The following EHMT1 variants were observed in gnomAD, a reference collection of about 807,000 sequenced individuals.
The protein encoded by EHMT1 is histone-lysine N-methyltransferase EHMT1.
Under a neutral mutation model 147.2 loss-of-function variants are expected in EHMT1, and 15 were observed. The observed-to-expected ratio is 0.10, with a 90% CI of 0.07 to 0.16. The LOEUF (loss-of-function observed/expected upper bound fraction) is 0.16. EHMT1 is among the 10% of genes least tolerant of loss of function. The pLI is 1.00. For missense variants in EHMT1, 1,587 were observed against 1,772.4 expected, an observed-to-expected ratio of 0.90 and a Z score of 1.88; for synonymous variants, 795 against 709.6, an observed-to-expected ratio of 1.12 and a Z score of -1.91.
chr9:137,654,449 T>C (rs1938219566), intron 1 of EHMT1, among the ~76,000 whole-genome samples: 1 of 150,868 alleles, frequency 6.6e-6, no homozygotes, highest in Admixed American at 6.7e-5. Context: ...TTCTGAACTT[T>C]CAGTTCTCTT....
rs1283850841 is a variant in EHMT1 at position 137,653,589 on chromosome 9, T to C, written c.21+34540T>C. Among the ~76,000 whole-genome samples, 10 of 152,056 alleles carry C rather than the reference T, an allele frequency of 6.6e-5. No homozygotes were observed. The East Asian group carries it at 1.9e-3, about 29-fold the overall frequency. On this transcript the variant is annotated intron_variant, in intron 1 of 26. Transcript: ENST00000460843. Reference sequence around the variant, plus strand: ...TGTCGCCCAGGCTGGAGTGCAGTGGTGTGATCTCAGCTCACTGCAACCTCT... The same window carrying C: ...TGTCGCCCAGGCTGGAGTGCAGTGGCGTGATCTCAGCTCACTGCAACCTCT...
intron 1 of EHMT1, among the ~76,000 whole-genome samples, chr9:137,668,367 A>C (rs1939935167): frequency 7.3e-6 from 1 of 136,614 alleles, no homozygotes; most frequent in African/African-American, 2.8e-5. Flanking sequence ...ACACCCACCC[A>C]CTCATCCATC....
At chr9:137,689,438 C>G (rs1942746369) in intron 1 of EHMT1, among the ~76,000 whole-genome samples, 1 of 152,060 alleles carries the variant, frequency 6.6e-6, no homozygotes, top group Admixed American at 6.5e-5. Flanking sequence ...GGTGCGGTGG[C>G]TCATGCTGTT....
chr9:137,701,132 C>T (rs1193180614), intron 1 of EHMT1, among the ~76,000 whole-genome samples: 1 of 151,990 alleles, frequency 6.6e-6, no homozygotes, highest in Non-Finnish European at 1.5e-5. Context: ...GAACGTCCGC[C>T]CCCATGATCC....
intron 1 of EHMT1, among the ~76,000 whole-genome samples, chr9:137,692,709 C>T (rs745835087): frequency 7.2e-5 from 11 of 152,108 alleles, no homozygotes; most frequent in Admixed American, 1.3e-4. Flanking sequence ...GTCAGAAGCA[C>T]GTTGCATGGT....
intron 4 of EHMT1, among the ~76,000 whole-genome samples, chr9:137,741,650 C>G (rs924286866): frequency 1.3e-5 from 2 of 152,186 alleles, no homozygotes. Flanking sequence ...AGATTGGCTC[C>G]AGGACCCCAT....
intron 18 of EHMT1, among the ~76,000 whole-genome samples, chr9:137,809,659 C>T (rs13440053): frequency 6.6e-6 from 1 of 152,176 alleles, no homozygotes; most frequent in Non-Finnish European, 1.5e-5. Context: ...GAACGTGAAA[C>T]GCTCACGTGC....
chr9:137,641,330 C>A, intron 1 of EHMT1: 1 of 480,412 alleles, frequency 2.1e-6, no homozygotes, highest in Non-Finnish European at 4.2e-6. Flanking sequence ...AGATGAAATT[C>A]TTTGAGAGAG....
chr9:137,823,288 C>T (rs1013405158), intron 25 of EHMT1, among the ~76,000 whole-genome samples: 2 of 151,034 alleles, frequency 1.3e-5, no homozygotes, highest in African/African-American at 4.9e-5. Flanking sequence ...TTAGTAGAGA[C>T]AGGGTTTCAC....
Position 137,813,179 on chromosome 9 carries a change from C to G in EHMT1, c.3035+6C>G, listed in dbSNP as rs752797201. 6 of 1,607,888 alleles carry G rather than the reference C, an allele frequency of 3.7e-6. No homozygotes were observed. The East Asian group carries it at 1.3e-4, about 36-fold the overall frequency. On this transcript the variant is annotated splice_donor_region_variant and intron_variant, in intron 20 of 26. Transcript: ENST00000460843. This position sits in a 1 kb window ranked among gnomAD's most constrained non-coding sequence, Gnocchi z 4.9. The stretch of plus-strand genomic sequence containing the variant: ...GTGGAGAGGATAGTGAGCAGGTGAG[C>G]CCAGCCCCAGGACGGCTTTGTGGCA...
At position 137,743,511 on chromosome 9, in the gene EHMT1, T is replaced by C. The variant is rs1948284677; in HGVS notation, c.964T>C (p.Ser322Pro). ...TGAGATGTTTAAGAGCATAACTCAT[T>C]CCACTGTGGGTTCCAAGGTAAGAGA... ...VIEMFKSITH[S>P]TVGSKGEKDL... The change falls in exon 5 of 27, where the codon TCC becomes CCC. Residue 322 changes from serine (S) to proline (P), a missense_variant. Transcript: ENST00000460843. The C allele has an allele frequency of 1.2e-6, 2 of 1,614,166 alleles. No homozygotes were observed. Among genetic ancestry groups the C allele is most frequent in the Non-Finnish European group, 1.7e-6 (2 of 1,180,028 alleles).
chr9:137,817,836 G>C (rs751987557), intron 24 of EHMT1: 11 of 628,018 alleles, frequency 1.8e-5, no homozygotes, highest in Admixed American at 1.1e-4. Context: ...TGGGTTCTCA[G>C]GTACCAGACC....
chr9:137,660,625 A>G (rs1366853786), intron 1 of EHMT1, among the ~76,000 whole-genome samples: 3 of 152,202 alleles, frequency 2.0e-5, no homozygotes, highest in Non-Finnish European at 1.5e-5. Context: ...AATTGCACTG[A>G]ATCTATGGAT....
intron 1 of EHMT1, among the ~76,000 whole-genome samples, chr9:137,653,331 T>C (rs144146100): frequency 1.4e-4 from 21 of 152,292 alleles, no homozygotes; most frequent in African/African-American, 4.1e-4. Flanking sequence ...CCAGGAGCAA[T>C]AGGCTCTACC....
intron 3 of EHMT1, among the ~76,000 whole-genome samples, chr9:137,725,876 C>A (rs558668464): frequency 2.0e-5 from 3 of 152,264 alleles, no homozygotes; most frequent in African/African-American, 7.2e-5. Flanking sequence ...AAGCCAGGTG[C>A]TACCCTGTTC....
Position 137,775,084 on chromosome 9 carries a change from G to T in EHMT1, c.1648-25G>T. ...GCCGGCCTCTCGTGACTCTGACATT[G>T]ACCACCAGTCTTGTCTGATTGCAGT... On this transcript the variant is annotated intron_variant, in intron 10 of 26. Coordinates refer to ENST00000460843, the MANE Select transcript of EHMT1 (RefSeq NM_024757.5). The surrounding 1 kb of genome is among the most constrained non-coding windows in gnomAD (Gnocchi z 6.1). 1.2e-6 allele frequency: 2 copies of T among 1,613,932 alleles called. No individual in the cohort carries two copies. The highest frequency in any genetic ancestry group is 2.2e-5 in the South Asian group (2 of 91,034).
intron 1 of EHMT1, among the ~76,000 whole-genome samples, chr9:137,686,352 T>G (rs1341563352): frequency 6.9e-6 from 1 of 145,144 alleles, no homozygotes; most frequent in African/African-American, 2.9e-5. Context: ...CTCATATTTG[T>G]TTTTTTTATC....
Position 137,776,816 on chromosome 9 carries a change from G to C in EHMT1, c.1990G>C (p.Glu664Gln). Residue 664 changes from glutamate (E) to glutamine (Q), a missense_variant, in exon 12 of 27, where the codon GAG becomes CAG. This residue lies in a region of EHMT1 where 77 missense variants were observed against 79.3 expected (regional missense o/e 0.97). Coordinates refer to ENST00000460843, the MANE Select transcript of EHMT1 (RefSeq NM_024757.5). The surrounding 1 kb of genome is among the most constrained non-coding windows in gnomAD (Gnocchi z 4.4). ...CGGGCAGGAGAAGGGCTCGGCCCTGGAGGGCAGGGCCGACACCACAACGGG... is the reference window on the plus strand; with the variant it reads ...CGGGCAGGAGAAGGGCTCGGCCCTGCAGGGCAGGGCCGACACCACAACGGG... ...VPGQEKGSAL[E>Q]GRADTTTGSA... The C allele has an allele frequency of 1.9e-6, 3 of 1,613,968 alleles. No homozygotes were observed. Among genetic ancestry groups the C allele is most frequent in the Non-Finnish European group, 2.5e-6 (3 of 1,180,014 alleles).
rs140387451 is a variant in EHMT1, at chr9:137,716,910, G to A, written c.370G>A (p.Gly124Arg). Reference protein sequence around the residue: ...FVQTSVIGSNGYILNKPALQA... With the variant: ...FVQTSVIGSNRYILNKPALQA... ...GCAGACTTCTGTCATCGGCAGCAACGGATACATCTTAAATAAGCCGGCCCT... is the reference window on the plus strand; with the variant it reads ...GCAGACTTCTGTCATCGGCAGCAACAGATACATCTTAAATAAGCCGGCCCT... Residue 124 changes from glycine to arginine, a missense_variant, in exon 3 of 27, where the codon GGA (glycine) becomes AGA (arginine). By Grantham distance (125) the Gly-to-Arg change is moderately radical. Coordinates refer to ENST00000460843, the MANE Select transcript of EHMT1 (RefSeq NM_024757.5). 22 of 1,612,930 alleles carry A rather than the reference G, an allele frequency of 1.4e-5. No individual in the cohort carries two copies. Among genetic ancestry groups the A allele is most frequent in the African/African-American group, 9.3e-5 (7 of 74,886 alleles).
Sources: allele counts gnomAD v4.1 joint callset (sites outside exome capture counted in the v4.1 genomes callset), GRCh38; gene constraint gnomAD v4.1.1; regional missense constraint gnomAD v4.1.1; non-coding constraint Gnocchi (gnomAD v3.1); transcripts MANE v1.5; gene names NCBI Gene and HGNC (gene_info 2026-07-23, HGNC 2026-07-21).